The following UGT2A2 variants were observed in gnomAD, a reference collection of about 807,000 sequenced individuals.
UGT2A2 encodes the protein UDP glucuronosyltransferase family 2 member A2.
UGT2A2 carries 60 observed loss-of-function variants against 50.7 expected under a neutral mutation model. The observed-to-expected ratio is 1.18, with a 90% CI of 0.96 to 1.47. The LOEUF is 1.47. Among genes scored for constraint, UGT2A2 ranks in the 40% most tolerant of loss-of-function variants. The probability of loss-of-function intolerance (pLI) is 0.00; values close to 1 mark genes in which losing one functional copy is unlikely to be tolerated. For missense variants in UGT2A2, 762 were observed against 634.0 expected, an observed-to-expected ratio of 1.20 and a Z score of -2.17; for synonymous variants, 242 against 214.6, an observed-to-expected ratio of 1.13 and a Z score of -1.11.
At position 69,605,930 on chromosome 4, in the gene UGT2A2, A is replaced by G. The variant is rs1450551862; in HGVS notation, c.743-6536T>C. On this transcript the variant is annotated intron_variant, in intron 1 of 5. Transcript: ENST00000604629. Reference sequence around the variant, plus strand: ...AGGCTCTGAAATTGAGGCAATAATTAATAGCTTAGCAACCAAAAAAAGTCC... The same window carrying G: ...AGGCTCTGAAATTGAGGCAATAATTGATAGCTTAGCAACCAAAAAAAGTCC... 1.5e-5 allele frequency among the ~76,000 whole-genome samples: 2 copies of G among 137,098 alleles called. 1 individual carries two copies. The highest frequency in any genetic ancestry group is 1.4e-4 in the Admixed American group (2 of 13,980). 89.9% of individuals were successfully genotyped at this position (137,098 alleles called of 152,430 possible). A position where few individuals can be genotyped will look rare whatever the true frequency, so the allele number is the denominator to read the frequency against.
rs1721876542 is a variant in UGT2A2, at chr4:69,638,895, T to C, written c.742+4A>G. 6.4e-7 allele frequency: 1 copy of C among 1,565,598 alleles called. No homozygotes were observed. Among genetic ancestry groups the C allele is most frequent in the African/African-American group, 1.4e-5 (1 of 73,064 alleles). On this transcript the variant is annotated splice_donor_region_variant and intron_variant, in intron 1 of 5. Transcript: ENST00000604629. ...TCATTAAAAAGAGAAAATTTTAGAC[T>C]TACCTAAAATTTTGCTATAGTATGA...
At chr4:69,627,570 G>GAAAA in intron 1 of UGT2A2, among the ~76,000 whole-genome samples, 1 of 144,092 alleles carries the variant, frequency 6.9e-6, no homozygotes, top group Admixed American at 7.0e-5. Flanking sequence ...GAGAGAGAAA[G>GAAAA]AAAGAGAGAA....
intron 1 of UGT2A2, among the ~76,000 whole-genome samples, chr4:69,613,388 T>G (rs1363971668): frequency 6.6e-6 from 1 of 151,984 alleles, no homozygotes; most frequent in Non-Finnish European, 1.5e-5. Context: ...CTTTCACTGT[T>G]GAATTCTACC....
chr4:69,609,155 A>AT (rs10627999), intron 1 of UGT2A2, among the ~76,000 whole-genome samples: 31,568 of 142,084 alleles, frequency 0.22, 4,188 homozygotes, highest in East Asian at 0.52. Context: ...AATATATAAG[A>AT]TTTTTTTTTT....
At chr4:69,624,464 G>T (rs1420990030) in intron 1 of UGT2A2, among the ~76,000 whole-genome samples, 1 of 151,234 alleles carries the variant, frequency 6.6e-6, no homozygotes, top group African/African-American at 2.4e-5. Context: ...CATTTAATGT[G>T]ATTATCTACA....
At chr4:69,630,408 C>T (rs1577990697) in intron 1 of UGT2A2, among the ~76,000 whole-genome samples, 1 of 152,034 alleles carries the variant, frequency 6.6e-6, no homozygotes, top group East Asian at 1.9e-4. Context: ...TATGTTAAAG[C>T]TACCTTTGTC....
chr4:69,602,245 T>C (rs1184446162), intron 1 of UGT2A2, among the ~76,000 whole-genome samples: 1 of 136,504 alleles, frequency 7.3e-6, no homozygotes. Flanking sequence ...TGAAATTCTA[T>C]TAGTAAACTA....
intron 1 of UGT2A2, among the ~76,000 whole-genome samples, chr4:69,620,461 T>G (rs765801944): frequency 1.4e-5 from 2 of 144,596 alleles, no homozygotes; most frequent in Non-Finnish European, 3.1e-5. Context: ...TACAAAACAC[T>G]GCTCAAAGAA....
intron 1 of UGT2A2, among the ~76,000 whole-genome samples, chr4:69,601,382 C>T (rs1339654873): frequency 2.0e-5 from 3 of 152,178 alleles, no homozygotes; most frequent in South Asian, 2.1e-4. Context: ...CATGCCCTTC[C>T]CCGCCCCCCG....
intron 1 of UGT2A2, among the ~76,000 whole-genome samples, chr4:69,603,056 G>C (rs752862860): frequency 1.5e-5 from 2 of 134,340 alleles, no homozygotes; most frequent in African/African-American, 3.0e-5. Flanking sequence ...GACAGAGAGA[G>C]ACTCCATCTA....
chr4:69,612,756 G>C (rs1394323929), intron 1 of UGT2A2, among the ~76,000 whole-genome samples: 1 of 151,826 alleles, frequency 6.6e-6, no homozygotes, highest in East Asian at 1.9e-4. Context: ...TTAAATGGAA[G>C]ACCTCAAAGT....
chr4:69,595,299 T>C, intron 3 of UGT2A2, 50 bp from the exon 4 acceptor site: 1 of 1,593,366 alleles, frequency 6.3e-7, no homozygotes, highest in South Asian at 1.1e-5. Flanking sequence ...AATGAGGACA[T>C]TTTAAGTTGG....
rs1372593326 is a variant in UGT2A2, at chr4:69,595,032, A to T, written c.1111+130T>A. 19 of 1,300,326 alleles carry T rather than the reference A, an allele frequency of 1.5e-5. 2 individuals are homozygous for T. In the South Asian group the frequency reaches 2.4e-4, roughly 16 times the overall value. The allele number at this position is 1,300,326 out of a possible 1,614,324, so 80.5% of individuals were successfully genotyped here. Reference sequence around the variant, plus strand: ...AATTAATGGCCAATTATGTAATTATATCTGCTTTAAAATTGAGTGTCAAAT... The same window carrying T: ...AATTAATGGCCAATTATGTAATTATTTCTGCTTTAAAATTGAGTGTCAAAT... On this transcript the variant is annotated intron_variant, in intron 4 of 5. Coordinates refer to ENST00000604629, the MANE Select transcript of UGT2A2 (RefSeq NM_001105677.2).
intron 1 of UGT2A2, among the ~76,000 whole-genome samples, chr4:69,603,205 AATC>A (rs1719399721): frequency 1.5e-5 from 2 of 137,658 alleles, no homozygotes; most frequent in East Asian, 4.1e-4. Flanking sequence ...AGCCAAAAAT[AATC>A]AAGGAACTCC....
intron 1 of UGT2A2, among the ~76,000 whole-genome samples, chr4:69,633,344 A>C (rs540033072): frequency 3.8e-4 from 58 of 152,326 alleles, no homozygotes; most frequent in African/African-American, 1.4e-3. Flanking sequence ...AATGGAGAAG[A>C]GCTGGAACCC....
At chr4:69,593,831 T>C (rs1718727764) in intron 5 of UGT2A2, among the ~76,000 whole-genome samples, 1 of 151,962 alleles carries the variant, frequency 6.6e-6, no homozygotes. Context: ...TTCAATTTTG[T>C]ATTTACTGAT....
At chr4:69,598,695 T>A (rs3822178) in intron 2 of UGT2A2, among the ~76,000 whole-genome samples, 59,218 of 151,814 alleles carry the variant, frequency 0.39, 11,817 homozygotes, top group East Asian at 0.56. Flanking sequence ...AACTCACCAT[T>A]GTCAACTCAA....
intron 1 of UGT2A2, among the ~76,000 whole-genome samples, chr4:69,620,428 T>G (rs1720681917): frequency 7.5e-6 from 1 of 133,648 alleles, no homozygotes; most frequent in South Asian, 2.4e-4. Context: ...ACCAGGGAGG[T>G]GAAAGATCTC....
intron 1 of UGT2A2, among the ~76,000 whole-genome samples, chr4:69,609,959 T>C (rs977278502): frequency 5.3e-5 from 8 of 152,162 alleles, no homozygotes; most frequent in African/African-American, 1.9e-4. Flanking sequence ...TGTGTTTGTA[T>C]ACATTTCAAA....
Sources: allele counts gnomAD v4.1 joint callset (sites outside exome capture counted in the v4.1 genomes callset), GRCh38; gene constraint gnomAD v4.1.1; transcripts MANE v1.5; gene names NCBI Gene and HGNC (gene_info 2026-07-23, HGNC 2026-07-21).